INHA: variants seen among roughly 807,000 people sequenced by gnomAD.
INHA encodes the protein inhibin alpha chain.
Under a neutral mutation model 21.3 loss-of-function variants are expected in INHA, and 8 were observed. The observed-to-expected ratio is 0.38, with a 90% CI of 0.22 to 0.68. INHA has a LOEUF of 0.68. INHA is among the 30% of genes least tolerant of loss of function. INHA has a pLI of 0.53. For missense variants in INHA, 436 were observed against 465.8 expected, an observed-to-expected ratio of 0.94 and a Z score of 0.59; for synonymous variants, 231 against 207.5, an observed-to-expected ratio of 1.11 and a Z score of -0.97.
Position 219,572,431 on chromosome 2 carries a change from C to T in INHA, c.57C>T (p.Cys19=). 6 of 1,614,042 alleles carry T rather than the reference C, an allele frequency of 3.7e-6. No individual in the cohort carries two copies. Among genetic ancestry groups the T allele is most frequent in the Non-Finnish European group, 5.1e-6 (6 of 1,180,014 alleles). The change falls in exon 1 of 2, where the codon TGC becomes TGT. Residue 19 remains cysteine, a synonymous_variant. Transcript: ENST00000243786. ...TGACCCCACAGGGTGGGCACAGCTG[C>T]CAGGGGCTGGAGCTGGCCCGGGAAC... ...LLLTPQGGHS[C]QGLELARELV...
At chr2:219,572,714 G>A (rs1445782455) in intron 1 of INHA, 72 bp downstream of exon 1, 2 of 1,520,388 alleles carry the variant, frequency 1.3e-6, no homozygotes, top group African/African-American at 2.8e-5. Context: ...TGCAGGCCAG[G>A]CGGACCTGGG....
chr2:219,575,004 C>T lies in INHA; in HGVS notation c.579C>T (p.Val193=). The T allele has an allele frequency of 9.3e-6, 15 of 1,613,378 alleles. No individual in the cohort carries two copies. The highest frequency in any genetic ancestry group is 1.2e-5 in the Non-Finnish European group (14 of 1,180,034). ...TSALSLLTHP[V]LVLLLRCPLC... ...CTCTCTCTCTGCTGACCCACCCCGT[C>T]CTGGTGCTGCTGCTGCGCTGTCCCC... The change falls in exon 2 of 2, where the codon GTC becomes GTT. Residue 193 remains valine (V), a synonymous_variant. Transcript: ENST00000243786.
At chr2:219,574,587 C>A in intron 1 of INHA, 107 bp from the exon 2 acceptor site, 1 of 907,088 alleles carries the variant, frequency 1.1e-6, no homozygotes, top group Non-Finnish European at 1.7e-6. Context: ...CAGAGTGCAG[C>A]CCATCATTGG....
chr2:219,575,145 T>G lies in INHA; in HGVS notation c.720T>G (p.Pro240=). ...GCTCAACTCCCCTGATGTCCTGGCC[T>G]TGGTCTCCCTCTGCTCTGCGCCTGC... The part of the protein sequence containing the change: ...ARRSTPLMSW[P]WSPSALRLLQ... The change falls in exon 2 of 2, where the codon CCT becomes CCG. Residue 240 remains proline, a synonymous_variant. Transcript: ENST00000243786. 6.2e-7 allele frequency: 1 copy of G among 1,614,238 alleles called. No individual in the cohort carries two copies. The highest frequency in any genetic ancestry group is 8.5e-7 in the Non-Finnish European group (1 of 1,180,036).
Position 219,572,596 on chromosome 2 carries a change from C to G in INHA, c.222C>G (p.Pro74=). 1 of 1,553,872 alleles carries G rather than the reference C, an allele frequency of 6.4e-7. No individual in the cohort carries two copies. Among genetic ancestry groups the G allele is most frequent in the South Asian group, 1.2e-5 (1 of 84,446 alleles). Residue 74 remains proline (P), a synonymous_variant, in exon 1 of 2, where the codon CCC becomes CCG. Transcript: ENST00000243786. ...LGGFTHRGSE[P]EEEEDVSQAI... ...GCTTCACACACAGGGGCTCTGAGCC[C>G]GAGGAAGAGGAGGATGTCTCCCAAG...
At position 219,572,647 on chromosome 2, in the gene INHA, C is replaced by G; in HGVS notation, c.268+5C>G. The G allele has an allele frequency of 6.4e-7, 1 of 1,551,456 alleles. No individual in the cohort carries two copies. Among genetic ancestry groups the G allele is most frequent in the South Asian group, 1.2e-5 (1 of 84,076 alleles). Reference sequence around the variant, plus strand: ...CCATCCTTTTCCCAGCCACAGGTAACGAGGGTGGGGGAACCGGCAGGATGA... The same window carrying G: ...CCATCCTTTTCCCAGCCACAGGTAAGGAGGGTGGGGGAACCGGCAGGATGA... On this transcript the variant is annotated splice_donor_5th_base_variant and intron_variant, in intron 1 of 1. Coordinates refer to ENST00000243786, the MANE Select transcript of INHA (RefSeq NM_002191.4).
rs756390279 is a variant in INHA, at chr2:219,575,284, A to G, written c.859A>G (p.Ile287Val). The G allele has an allele frequency of 6.2e-7, 1 of 1,614,030 alleles. No individual in the cohort carries two copies. The highest frequency in any genetic ancestry group is 1.1e-5 in the South Asian group (1 of 91,068). Residue 287 changes from isoleucine (I) to valine (V), a missense_variant, in exon 2 of 2, where the codon ATC becomes GTC. Ile to Val is a conservative substitution (Grantham distance 29). Coordinates refer to ENST00000243786, the MANE Select transcript of INHA (RefSeq NM_002191.4). ...GTGGATCGTGTACCCTCCCAGTTTC[A>G]TCTTCCACTACTGTCATGGTGGTTG... The part of the protein sequence containing the change: ...ERWIVYPPSF[I>V]FHYCHGGCGL...
At position 219,574,935 on chromosome 2, in the gene INHA, C is replaced by T. The variant is rs776268806; in HGVS notation, c.510C>T (p.Gly170=). The T allele has an allele frequency of 9.3e-6, 15 of 1,614,084 alleles. No homozygotes were observed. The highest frequency in any genetic ancestry group is 8.8e-5 in the South Asian group (8 of 91,084). Residue 170 remains glycine, a synonymous_variant, in exon 2 of 2, where the codon GGC becomes GGT. Coordinates refer to ENST00000243786, the MANE Select transcript of INHA (RefSeq NM_002191.4). ...CCGTGGCTGTGCCCATGTCTTTGGG[C>T]CATGCTCCCCCTCACTGGGCCGTGC... The part of the protein sequence containing the change: ...GGPVAVPMSL[G]HAPPHWAVLH...
At chr2:219,574,532 T>C (rs1005411760) in intron 1 of INHA, among the ~76,000 whole-genome samples, 162 bp from the exon 2 acceptor site, 1 of 152,132 alleles carries the variant, frequency 6.6e-6, no homozygotes, top group Non-Finnish European at 1.5e-5. Context: ...CTACAGAAGC[T>C]CTCCCAAAAC....
At position 219,574,916 on chromosome 2, in the gene INHA, C is replaced by T. The variant is rs1168788109; in HGVS notation, c.491C>T (p.Ala164Val). 6.2e-7 allele frequency: 1 copy of T among 1,614,192 alleles called. No homozygotes were observed. Among genetic ancestry groups the T allele is most frequent in the Non-Finnish European group, 8.5e-7 (1 of 1,180,036 alleles). ...LLALSPGGPV[A>V]VPMSLGHAPP... is the part of the protein sequence containing the mutation. ...GCACTGTCACCGGGAGGACCCGTGG[C>T]TGTGCCCATGTCTTTGGGCCATGCT... is the stretch of plus-strand genomic sequence containing the variant. The change falls in exon 2 of 2, where the codon GCT (alanine) becomes GTT (valine). Residue 164 changes from alanine (A) to valine (V), a missense_variant. Physicochemically the swap from Ala to Val is moderately conservative, Grantham distance 64. Coordinates refer to ENST00000243786, the MANE Select transcript of INHA (RefSeq NM_002191.4).
In INHA at chr2:219,572,562, C is replaced by T. The variant is rs751037955; in HGVS notation, c.188C>T (p.Ala63Val). 7 of 1,566,012 alleles carry T rather than the reference C, an allele frequency of 4.5e-6. No individual in the cohort carries two copies. In the South Asian group the frequency reaches 7.0e-5, roughly 16 times the overall value. The change falls in exon 1 of 2, where the codon GCC becomes GTC. Residue 63 changes from alanine (A) to valine (V), a missense_variant. Transcript: ENST00000243786. ...GTCAGGCGGCTGCCCCGAAGACATG[C>T]CCTGGGGGGCTTCACACACAGGGGC... ...PGVRRLPRRHALGGFTHRGSE... is the reference protein window; with the variant it reads ...PGVRRLPRRHVLGGFTHRGSE...
In INHA at chr2:219,575,621, C is replaced by T; in HGVS notation, c.*95C>T. The T allele has an allele frequency of 2.1e-6, 2 of 971,680 alleles. No individual in the cohort carries two copies. The highest frequency in any genetic ancestry group is 3.5e-5 in the Admixed American group (2 of 57,340). The allele number at this position is 971,680 out of a possible 1,614,324, so 60.2% of individuals were successfully genotyped here. ...AGGCAGAGTTGGGAAATAGATGGCT[C>T]CCACTCCTCCCTCCTTTCACTTCTC... On this transcript the variant is annotated 3_prime_UTR_variant, in exon 2 of 2. Coordinates refer to ENST00000243786, the MANE Select transcript of INHA (RefSeq NM_002191.4).
At chr2:219,572,704 T>C in intron 1 of INHA, 62 bp downstream of exon 1, 1 of 1,539,616 alleles carries the variant, frequency 6.5e-7, no homozygotes. Flanking sequence ...AGCATGGGTT[T>C]GCAGGCCAGG....
In INHA at chr2:219,574,716, A is replaced by G. The variant is rs755704683; in HGVS notation, c.291A>G (p.Ser97=). 3.1e-6 allele frequency: 5 copies of G among 1,613,332 alleles called. No individual in the cohort carries two copies. The highest frequency in any genetic ancestry group is 4.2e-6 in the Non-Finnish European group (5 of 1,179,774). ...CAGATGCCAGCTGTGAGGACAAGTC[A>G]GCTGCCAGAGGGCTGGCCCAGGAGG... The part of the protein sequence containing the change: ...PATDASCEDK[S]AARGLAQEAE... Residue 97 remains serine, a synonymous_variant, in exon 2 of 2, where the codon TCA becomes TCG. Coordinates refer to ENST00000243786, the MANE Select transcript of INHA (RefSeq NM_002191.4).
chr2:219,574,143 G>A (rs1399764874), intron 1 of INHA, among the ~76,000 whole-genome samples: 1 of 151,852 alleles, frequency 6.6e-6, no homozygotes, highest in Non-Finnish European at 1.5e-5. Context: ...GCTAGGTGTG[G>A]TAGCACACGC....
Position 219,575,266 on chromosome 2 carries a change from G to T in INHA, c.841G>T (p.Val281Leu). Residue 281 changes from valine to leucine, a missense_variant, in exon 2 of 2, where the codon GTG becomes TTG. By Grantham distance (32) the Val-to-Leu change is conservative. Coordinates refer to ENST00000243786, the MANE Select transcript of INHA (RefSeq NM_002191.4). ...FQELGWERWI[V>L]YPPSFIFHYC... ...GGAGCTGGGCTGGGAACGGTGGATC[G>T]TGTACCCTCCCAGTTTCATCTTCCA... 6.2e-7 allele frequency: 1 copy of T among 1,614,186 alleles called. No individual in the cohort carries two copies.
At position 219,575,448 on chromosome 2, in the gene INHA, C is replaced by T. The variant is rs1346599351; in HGVS notation, c.1023C>T (p.Arg341=). The T allele has an allele frequency of 6.8e-6, 11 of 1,613,974 alleles. No individual in the cohort carries two copies. Among genetic ancestry groups the T allele is most frequent in the African/African-American group, 5.3e-5 (4 of 74,940 alleles). The change falls in exon 2 of 2, where the codon CGC becomes CGT. Residue 341 remains arginine (R), a synonymous_variant. Transcript: ENST00000243786. The part of the protein sequence containing the change: ...LPGTMRPLHV[R]TTSDGGYSFK... Reference sequence around the variant, plus strand: ...GGACCATGAGGCCCCTACATGTCCGCACCACCTCGGATGGAGGTTACTCTT... The same window carrying T: ...GGACCATGAGGCCCCTACATGTCCGTACCACCTCGGATGGAGGTTACTCTT...
At chr2:219,573,587 C>CTTT (rs11342037) in intron 1 of INHA, among the ~76,000 whole-genome samples, 1 of 143,638 alleles carries the variant, frequency 7.0e-6, no homozygotes, top group African/African-American at 2.5e-5. Context: ...CCTCCTTCTT[C>CTTT]TTTTTTTTTT....
chr2:219,573,436 T>C (rs1697465292), intron 1 of INHA, among the ~76,000 whole-genome samples: 2 of 152,296 alleles, frequency 1.3e-5, no homozygotes, highest in Middle Eastern at 3.4e-3. Flanking sequence ...GGATGATTAG[T>C]ATAGTCTATG....
Sources: gnomAD v4.1 joint callset for allele counts (sites outside exome capture counted in the v4.1 genomes callset) on GRCh38, gnomAD v4.1.1 for gene constraint, MANE v1.5 for transcripts, NCBI Gene and HGNC (gene_info 2026-07-23, HGNC 2026-07-21) for gene names.